Variants in ZNF142 observed in about 807,000 individuals in gnomAD.
The protein encoded by ZNF142 is zinc finger protein 142.
A neutral mutation model predicts 132.1 loss-of-function variants in ZNF142; 96 were observed. The observed-to-expected ratio is 0.73, with a 90% CI of 0.62 to 0.86. The LOEUF is 0.86. Among genes scored for constraint, ZNF142 ranks in the 40% least tolerant of loss-of-function variants. The pLI is 0.00. For missense variants in ZNF142, 2,163 were observed against 2,336.2 expected (o/e 0.93, Z 1.53); for synonymous variants, 842 against 890.1 (o/e 0.95, Z 0.96).
intron 7 of ZNF142, among the ~76,000 whole-genome samples, chr2:218,646,565 A>C (rs1697747878): frequency 6.6e-6 from 1 of 152,188 alleles, no homozygotes; most frequent in Admixed American, 6.5e-5. Flanking sequence ...GATGGGAAGA[A>C]AGTAAAGACC....
chr2:218,641,503 C>T (rs2106201211), intron 9 of ZNF142, among the ~76,000 whole-genome samples: 1 of 152,150 alleles, frequency 6.6e-6, no homozygotes, highest in East Asian at 1.9e-4. Context: ...CTTGGCCTCC[C>T]AAAGTGCTGG....
rs1429716820 is a variant in ZNF142, at chr2:218,656,148, A to T, written c.280+2T>A. ...CTGGCCTGCTTGCAACTGTGTTTGT[A>T]CCTGGGGTCTCTCCAGGAGCACCTG... On this transcript the variant is annotated splice_donor_variant, in intron 4 of 10. Transcript: ENST00000411696. LOFTEE classifies it high-confidence loss of function. The T allele has an allele frequency of 6.4e-7, 1 of 1,562,330 alleles. No individual in the cohort carries two copies. Among genetic ancestry groups the T allele is most frequent in the Non-Finnish European group, 8.7e-7 (1 of 1,149,796 alleles).
At chr2:218,652,722 T>C (rs1408845206) in intron 4 of ZNF142, among the ~76,000 whole-genome samples, 1 of 95,468 alleles carries the variant, frequency 1.0e-5, no homozygotes, top group Non-Finnish European at 2.1e-5. Context: ...ATGGATAAAA[T>C]GGAGAATATC....
intron 8 of ZNF142, among the ~76,000 whole-genome samples, chr2:218,645,277 TG>T (rs780585111): frequency 1.4e-4 from 21 of 152,314 alleles, no homozygotes; most frequent in Non-Finnish European, 1.0e-4. Context: ...TGCCTAAGGT[TG>T]GTTACAAAGT....
rs1213869063 is a variant in ZNF142 at position 218,659,202 on chromosome 2, G to A, written c.-361-72C>T. On this transcript the variant is annotated intron_variant, in intron 1 of 10. Transcript: ENST00000411696. This position sits in a 1 kb window ranked among gnomAD's most constrained non-coding sequence, Gnocchi z 4.4. ...CCCGGGCGGGGTCCAGAACCGTGAC[G>A]CGACTGCAGCGCCGGGGCCCAGCTC... is the stretch of plus-strand genomic sequence containing the variant. 2.0e-5 allele frequency: 3 copies of A among 152,378 alleles called. No individual in the cohort carries two copies. The highest frequency in any genetic ancestry group is 2.9e-5 in the Non-Finnish European group (2 of 68,196). The allele number at this position is 152,378 out of a possible 1,614,324, so 9.4% of individuals were successfully genotyped here. A position where few individuals can be genotyped will look rare whatever the true frequency, so the allele number is the denominator to read the frequency against.
rs771131126 is a variant in ZNF142, at chr2:218,633,406, T to G, written c.*4933A>C. The stretch of plus-strand genomic sequence containing the variant: ...CCCAGGTTGTGACGTGCCCGCTGTT[T>G]TGTCCGTCTATCTGTTGTCAGATTG... On this transcript the variant is annotated 3_prime_UTR_variant, in exon 11 of 11. Coordinates refer to ENST00000411696, the MANE Select transcript of ZNF142 (RefSeq NM_001379659.1). The G allele has an allele frequency of 9.8e-5, 71 of 726,258 alleles. No homozygotes were observed. The Admixed American group carries it at 9.8e-4, about 10-fold the overall frequency. The allele number at this position is 726,258 out of a possible 1,614,324, so 45.0% of individuals were successfully genotyped here. A position where few individuals can be genotyped will look rare whatever the true frequency, so the allele number is the denominator to read the frequency against.
Position 218,644,589 on chromosome 2 carries a change from C to T in ZNF142, c.2527G>A (p.Glu843Lys), listed in dbSNP as rs1349598969. ...LSARPEGPGH[E>K]PGTVVDPSLD... ...CTGGGGTCCACCACAGTCCCAGGTT[C>T]GTGACCTGGCCCCTCAGGTCGGGCT... The change falls in exon 9 of 11, where the codon GAA becomes AAA. Residue 843 changes from glutamate (E) to lysine (K), a missense_variant. By Grantham distance (56) the Glu-to-Lys change is moderately conservative. Transcript: ENST00000411696. The surrounding 1 kb of genome is among the most constrained non-coding windows in gnomAD (Gnocchi z 4.6). 4 of 1,614,158 alleles carry T rather than the reference C, an allele frequency of 2.5e-6. No homozygotes were observed. Among genetic ancestry groups the T allele is most frequent in the African/African-American group, 1.3e-5 (1 of 75,064 alleles).
chr2:218,634,409 G>A lies in ZNF142; in HGVS notation c.*3930C>T. Reference sequence around the variant, plus strand: ...TCTTAACTCCCTGAAAGAGGGGCTGGAAGGCCTCCATGGTGAATCTTGCTC... The same window carrying A: ...TCTTAACTCCCTGAAAGAGGGGCTGAAAGGCCTCCATGGTGAATCTTGCTC... On this transcript the variant is annotated 3_prime_UTR_variant, in exon 11 of 11. Transcript: ENST00000411696. This position sits in a 1 kb window ranked among gnomAD's most constrained non-coding sequence, Gnocchi z 4.0. 6.3e-7 allele frequency: 1 copy of A among 1,589,754 alleles called. No homozygotes were observed. The highest frequency in any genetic ancestry group is 8.6e-7 in the Non-Finnish European group (1 of 1,167,270).
At position 218,649,468 on chromosome 2, in the gene ZNF142, G is replaced by A. The variant is rs1208483955; in HGVS notation, c.1049-9C>T. 4 of 1,565,568 alleles carry A rather than the reference G, an allele frequency of 2.6e-6. No homozygotes were observed. Among genetic ancestry groups the A allele is most frequent in the Non-Finnish European group, 3.5e-6 (4 of 1,154,586 alleles). ...GCCAGAGACCACATCCCCTGGGAAAGGGAATACAGAGAGTTGAGAGAGTGA... is the reference window on the plus strand; with the variant it reads ...GCCAGAGACCACATCCCCTGGGAAAAGGAATACAGAGAGTTGAGAGAGTGA... On this transcript the variant is annotated splice_polypyrimidine_tract_variant and intron_variant, in intron 6 of 10. Transcript: ENST00000411696.
At chr2:218,655,253 C>T (rs1938377645) in intron 4 of ZNF142, among the ~76,000 whole-genome samples, 1 of 151,902 alleles carries the variant, frequency 6.6e-6, no homozygotes, top group Non-Finnish European at 1.5e-5. Flanking sequence ...TTTCTTTCAC[C>T]ATATGGAAGT....
In ZNF142 at chr2:218,642,222, T is replaced by G. The variant is rs752475719; in HGVS notation, c.4894A>C (p.Thr1632Pro). The change falls in exon 9 of 11, where the codon ACA becomes CCA. Residue 1632 changes from threonine to proline, a missense_variant. Coordinates refer to ENST00000411696, the MANE Select transcript of ZNF142 (RefSeq NM_001379659.1). The surrounding 1 kb of genome is among the most constrained non-coding windows in gnomAD (Gnocchi z 4.6). Reference protein sequence around the residue: ...PPLHCPFCDFTCRHQLVLDHH... With the variant: ...PPLHCPFCDFPCRHQLVLDHH... ...TCTAGTACCAGCTGATGGCGGCATG[T>G]GAAGTCACAAAAGGGGCAGTGTAGC... The G allele has an allele frequency of 6.2e-7, 1 of 1,614,120 alleles. No homozygotes were observed. The highest frequency in any genetic ancestry group is 1.1e-5 in the South Asian group (1 of 91,082).
chr2:218,653,107 C>T (rs954038310), intron 4 of ZNF142, among the ~76,000 whole-genome samples: 2 of 152,022 alleles, frequency 1.3e-5, no homozygotes, highest in African/African-American at 2.4e-5. Flanking sequence ...GGTGAAAACC[C>T]GTCTCTACTA....
In ZNF142 at chr2:218,638,215, C is replaced by A. The variant is rs1242753940; in HGVS notation, c.*124G>T. 1.1e-6 allele frequency: 1 copy of A among 913,290 alleles called. No homozygotes were observed. The highest frequency in any genetic ancestry group is 3.7e-5 in the Admixed American group (1 of 26,856). 56.6% of individuals were successfully genotyped at this position (913,290 alleles called of 1,614,324 possible). On this transcript the variant is annotated 3_prime_UTR_variant, in exon 11 of 11. Coordinates refer to ENST00000411696, the MANE Select transcript of ZNF142 (RefSeq NM_001379659.1). The stretch of plus-strand genomic sequence containing the variant: ...CTATAGCCAGAGTCCCAGGAAGGTT[C>A]TAGTCACCCTTGTACCCCAAAAGCC...
At chr2:218,647,644 G>C (rs1454237703) in intron 7 of ZNF142, among the ~76,000 whole-genome samples, 1 of 152,082 alleles carries the variant, frequency 6.6e-6, no homozygotes, top group Non-Finnish European at 1.5e-5. Flanking sequence ...TCCCAAAGCT[G>C]TCAGTGATAC....
At chr2:218,648,216 G>A (rs1307418198) in intron 7 of ZNF142, among the ~76,000 whole-genome samples, 1 of 152,348 alleles carries the variant, frequency 6.6e-6, no homozygotes, top group African/African-American at 2.4e-5. Flanking sequence ...GGATGCCCAA[G>A]TTATAGAAGG....
chr2:218,643,196 G>C lies in ZNF142; in HGVS notation c.3920C>G (p.Pro1307Arg). 1.2e-6 allele frequency: 2 copies of C among 1,614,250 alleles called. No homozygotes were observed. The highest frequency in any genetic ancestry group is 1.7e-6 in the Non-Finnish European group (2 of 1,180,046). ...QKQKGARFSC[P>R]TCPFSCQQER... ...CTGCTGGCAGCTAAAGGGACATGTAGGGCAGGAGAAGCGAGCCCCCTTCTG... is the reference window on the plus strand; with the variant it reads ...CTGCTGGCAGCTAAAGGGACATGTACGGCAGGAGAAGCGAGCCCCCTTCTG... The change falls in exon 9 of 11, where the codon CCT becomes CGT. Residue 1307 changes from proline to arginine, a missense_variant. By Grantham distance (103) the Pro-to-Arg change is moderately radical. This residue lies in a region of ZNF142 where 809 missense variants were observed against 801.7 expected (regional missense o/e 1.01). Coordinates refer to ENST00000411696, the MANE Select transcript of ZNF142 (RefSeq NM_001379659.1).
chr2:218,643,525 C>T lies in ZNF142; in HGVS notation c.3591G>A (p.Lys1197=). The change falls in exon 9 of 11, where the codon AAG becomes AAA. Residue 1197 remains lysine, a synonymous_variant. Coordinates refer to ENST00000411696, the MANE Select transcript of ZNF142 (RefSeq NM_001379659.1). ...AGNSSPTEAP[K]KHHLDPVPPA... is the part of the protein sequence containing the mutation. ...GAGGGACTGGGTCAAGGTGGTGCTT[C>T]TTAGGGGCCTCCGTGGGTGAGGAGT... is the stretch of plus-strand genomic sequence containing the variant. 6.2e-7 allele frequency: 1 copy of T among 1,610,562 alleles called. No homozygotes were observed.
chr2:218,634,163 G>A lies in ZNF142; in HGVS notation c.*4176C>T. The A allele has an allele frequency of 1.2e-6, 2 of 1,612,822 alleles. No homozygotes were observed. The highest frequency in any genetic ancestry group is 1.7e-6 in the Non-Finnish European group (2 of 1,179,418). On this transcript the variant is annotated 3_prime_UTR_variant, in exon 11 of 11. Coordinates refer to ENST00000411696, the MANE Select transcript of ZNF142 (RefSeq NM_001379659.1). The surrounding 1 kb of genome is among the most constrained non-coding windows in gnomAD (Gnocchi z 4.0). ...TAAGCCGTGTGTATCCCAGCGGCCT[G>A]AGGACAGACTCTTCCAACTACAACC...
Position 218,646,246 on chromosome 2 carries a change from C to T in ZNF142, c.1976G>A (p.Cys659Tyr). 2 of 1,614,204 alleles carry T rather than the reference C, an allele frequency of 1.2e-6. No homozygotes were observed. Among genetic ancestry groups the T allele is most frequent in the Non-Finnish European group, 1.7e-6 (2 of 1,180,042 alleles). Residue 659 changes from cysteine to tyrosine, a missense_variant, in exon 8 of 11, where the codon TGC (cysteine) becomes TAC (tyrosine). By Grantham distance (194) the Cys-to-Tyr change is radical (BLOSUM62 -2). This residue lies in a region of ZNF142 where 749 missense variants were observed against 830.3 expected (regional missense o/e 0.90). Coordinates refer to ENST00000411696, the MANE Select transcript of ZNF142 (RefSeq NM_001379659.1). ...LTHSNTKDYM[C>Y]TECGYVTKWK... ...CTTGGTGACATAGCCACATTCAGTGCACATGTAATCCTTGGTGTTGGAGTG... is the reference window on the plus strand; with the variant it reads ...CTTGGTGACATAGCCACATTCAGTGTACATGTAATCCTTGGTGTTGGAGTG...
Sources: gnomAD v4.1 joint callset for allele counts (sites outside exome capture counted in the v4.1 genomes callset) on GRCh38, gnomAD v4.1.1 for gene constraint, gnomAD v4.1.1 regional missense constraint, Gnocchi (gnomAD v3.1) non-coding constraint, MANE v1.5 for transcripts, NCBI Gene and HGNC (gene_info 2026-07-23, HGNC 2026-07-21) for gene names.